DGKB: variants seen among roughly 807,000 people sequenced by gnomAD.
DGKB encodes the protein diacylglycerol kinase beta, also known as 90 kDa diacylglycerol kinase.
DGKB carries 67 observed loss-of-function variants against 114.3 expected under a neutral mutation model. The ratio of observed to expected loss-of-function variants is 0.59; its 90% CI spans 0.48 to 0.72. The LOEUF (loss-of-function observed/expected upper bound fraction) is 0.72. Ranked by LOEUF, DGKB falls within the 30% of genes least tolerant of loss-of-function variation. The pLI is 0.00. For synonymous variants in DGKB, 398 were observed against 323.1 expected, an observed-to-expected ratio of 1.23 and a Z score of -2.49; for missense variants, 907 against 975.2, an observed-to-expected ratio of 0.93 and a Z score of 0.93.
At chr7:14,381,150 C>T (rs1187713710) in intron 21 of DGKB, among the ~76,000 whole-genome samples, 1 of 152,128 alleles carries the variant, frequency 6.6e-6, no homozygotes, top group Non-Finnish European at 1.5e-5. Flanking sequence ...GTGAGAAACT[C>T]CAGTGTTGGA....
At chr7:14,228,386 C>T (rs1214565779) in intron 23 of DGKB, among the ~76,000 whole-genome samples, 1 of 151,982 alleles carries the variant, frequency 6.6e-6, no homozygotes, top group African/African-American at 2.4e-5. Flanking sequence ...ATTTTAGTTG[C>T]TGTAACTTTC....
At chr7:14,656,856 A>G (rs1815934247) in intron 13 of DGKB, among the ~76,000 whole-genome samples, 1 of 151,690 alleles carries the variant, frequency 6.6e-6, no homozygotes, top group African/African-American at 2.4e-5. Flanking sequence ...GCATTTAGGT[A>G]GAAACAAAAA....
chr7:14,797,051 T>C (rs1055599328), intron 2 of DGKB, among the ~76,000 whole-genome samples: 12 of 152,222 alleles, frequency 7.9e-5, no homozygotes, highest in African/African-American at 2.7e-4. Flanking sequence ...GTTGGTATCA[T>C]TGCTTACAAG....
intron 2 of DGKB, among the ~76,000 whole-genome samples, chr7:14,807,075 G>A (rs1842871958): frequency 6.6e-6 from 1 of 151,944 alleles, no homozygotes; most frequent in Non-Finnish European, 1.5e-5. Flanking sequence ...GCTGAGAGAT[G>A]AAGACAAATT....
At chr7:14,658,141 T>C (rs1028697790) in intron 13 of DGKB, among the ~76,000 whole-genome samples, 12 of 151,850 alleles carry the variant, frequency 7.9e-5, no homozygotes, top group Admixed American at 7.2e-4. Context: ...GACATATGGT[T>C]TTCTGAGGGT....
At chr7:14,522,208 T>C (rs1184674448) in intron 20 of DGKB, among the ~76,000 whole-genome samples, 1 of 152,188 alleles carries the variant, frequency 6.6e-6, no homozygotes, top group African/African-American at 2.4e-5. Flanking sequence ...ATTTGAAGTT[T>C]TTCCAGGCTT....
intron 20 of DGKB, among the ~76,000 whole-genome samples, chr7:14,497,053 G>A (rs542992144): frequency 6.6e-6 from 1 of 151,780 alleles, no homozygotes; most frequent in Non-Finnish European, 1.5e-5. Context: ...GGATGGAACT[G>A]CAGGCCACTA....
chr7:14,567,297 T>A lies in DGKB; in HGVS notation c.1770+6915A>T, dbSNP rs865947549. On this transcript the variant is annotated intron_variant, in intron 20 of 25. Transcript: ENST00000402815. ...TAATTATATTATATATATAATATATTTATATATTATATATAATTATATTAT... is the reference window on the plus strand; with the variant it reads ...TAATTATATTATATATATAATATATATATATATTATATATAATTATATTAT... 6.1e-4 allele frequency among the ~76,000 whole-genome samples: 24 copies of A among 39,526 alleles called. 3 individuals carry two copies. The highest frequency in any genetic ancestry group is 2.6e-3 in the African/African-American group (23 of 8,948). 25.9% of individuals were successfully genotyped at this position (39,526 alleles called of 152,430 possible).
At chr7:14,779,880 C>T (rs73682560) in intron 2 of DGKB, among the ~76,000 whole-genome samples, 250 of 152,176 alleles carry the variant, frequency 1.6e-3, no homozygotes, top group African/African-American at 5.4e-3. Context: ...TGTTCTCTAC[C>T]AACTCTGCAA....
At chr7:14,637,007 A>G (rs761000390) in intron 13 of DGKB, among the ~76,000 whole-genome samples, 27 of 151,958 alleles carry the variant, frequency 1.8e-4, no homozygotes, top group South Asian at 1.7e-3. Context: ...ATTTAAAAAT[A>G]GTAAATGCAC....
At chr7:14,951,956 C>T (rs912173848) in intron 1 of DGKB, among the ~76,000 whole-genome samples, 2 of 152,024 alleles carry the variant, frequency 1.3e-5, no homozygotes, top group Admixed American at 6.6e-5. Flanking sequence ...GAGTGTCCCC[C>T]TACCCCATTG....
intron 20 of DGKB, among the ~76,000 whole-genome samples, chr7:14,564,939 C>T (rs916786459): frequency 3.9e-5 from 6 of 152,014 alleles, no homozygotes; most frequent in African/African-American, 9.7e-5. Flanking sequence ...CTATTAATCT[C>T]GTCAGTCCAC....
chr7:14,945,580 T>A (rs1193026946), intron 1 of DGKB, among the ~76,000 whole-genome samples: 1 of 151,820 alleles, frequency 6.6e-6, no homozygotes, highest in Non-Finnish European at 1.5e-5. Context: ...ATTGTTCTCC[T>A]GTACATTCAC....
At chr7:14,239,686 C>T (rs1463736132) in intron 23 of DGKB, among the ~76,000 whole-genome samples, 1 of 152,074 alleles carries the variant, frequency 6.6e-6, no homozygotes, top group East Asian at 1.9e-4. Context: ...GGAATCTACA[C>T]TAACTTGATA....
chr7:14,972,609 T>C (rs1787537596), intron 1 of DGKB, among the ~76,000 whole-genome samples: 1 of 151,922 alleles, frequency 6.6e-6, no homozygotes, highest in African/African-American at 2.4e-5. Flanking sequence ...CTGAATTCAA[T>C]TTCTTAATAT....
chr7:14,633,245 A>G (rs1269951816), intron 13 of DGKB, among the ~76,000 whole-genome samples: 1 of 151,892 alleles, frequency 6.6e-6, no homozygotes, highest in Non-Finnish European at 1.5e-5. Context: ...TTCTGAAAAT[A>G]AAAAAGCAGT....
chr7:14,878,755 C>T (rs143025924), intron 1 of DGKB, among the ~76,000 whole-genome samples: 145 of 113,270 alleles, frequency 1.3e-3, no homozygotes, highest in Non-Finnish European at 1.9e-3. Flanking sequence ...TCTCAAAAAA[C>T]AAAAAAAAAA....
intron 21 of DGKB, among the ~76,000 whole-genome samples, chr7:14,429,932 C>G (rs974678535): frequency 2.9e-3 from 433 of 151,780 alleles, no homozygotes; most frequent in African/African-American, 9.1e-3. Context: ...GTCCCCCCCC[C>G]CAAAAAAAAG....
chr7:14,906,635 T>C (rs927570034), upstream of DGKB, among the ~76,000 whole-genome samples: 1 of 151,976 alleles, frequency 6.6e-6, no homozygotes, highest in African/African-American at 2.4e-5. Flanking sequence ...TGTATTTTAG[T>C]GGAGACAGGG....
Sources: allele counts gnomAD v4.1 joint callset (sites outside exome capture counted in the v4.1 genomes callset), GRCh38; gene constraint gnomAD v4.1.1; transcripts MANE v1.5; gene names NCBI Gene and HGNC (gene_info 2026-07-23, HGNC 2026-07-21).